The following PALLD variants were observed in gnomAD, a reference collection of about 807,000 sequenced individuals.
PALLD encodes the protein palladin, cytoskeletal associated protein.
PALLD carries 61 observed loss-of-function variants against 123.5 expected under a neutral mutation model. The ratio of observed to expected loss-of-function variants is 0.49; its 90% CI spans 0.40 to 0.61. PALLD has a LOEUF of 0.61. PALLD is among the 20% of genes least tolerant of loss of function. The pLI, the probability that PALLD is intolerant of heterozygous loss-of-function variation, is 0.00. For synonymous variants in PALLD, 465 were observed against 496.4 expected, an observed-to-expected ratio of 0.94 and a Z score of 0.84; for missense variants, 1,273 against 1,377.0, an observed-to-expected ratio of 0.92 and a Z score of 1.20.
At chr4:168,885,657 G>A (rs1753234270) in intron 10 of PALLD, among the ~76,000 whole-genome samples, 2 of 152,186 alleles carry the variant, frequency 1.3e-5, no homozygotes, top group African/African-American at 4.8e-5. Flanking sequence ...AATATGTCAT[G>A]GAGCTCATGC....
At chr4:168,903,671 C>A in intron 14 of PALLD, 86 bp from the exon 15 acceptor site, 5 of 1,132,812 alleles carry the variant, frequency 4.4e-6, no homozygotes, top group South Asian at 3.7e-5. Flanking sequence ...ATCAGCTCTG[C>A]AAACCACACT....
At chr4:168,644,762 T>C (rs1488798548) in intron 2 of PALLD, among the ~76,000 whole-genome samples, 1 of 152,116 alleles carries the variant, frequency 6.6e-6, no homozygotes, top group African/African-American at 2.4e-5. Context: ...TTAACTAAAG[T>C]GGAAGTGTTA....
chr4:168,782,765 A>T (rs72701847), intron 10 of PALLD, among the ~76,000 whole-genome samples: 26,588 of 151,876 alleles, frequency 0.18, 2,479 homozygotes, highest in Non-Finnish European at 0.22. Context: ...AAATAAAAAA[A>T]TTAGCTTGGC....
chr4:168,833,832 A>G (rs539692383), intron 10 of PALLD, among the ~76,000 whole-genome samples: 24 of 150,080 alleles, frequency 1.6e-4, no homozygotes, highest in African/African-American at 5.7e-4. Context: ...GATTTTCCCC[A>G]TGTCTGTTTA....
chr4:168,546,147 C>T (rs1053944427), intron 2 of PALLD, among the ~76,000 whole-genome samples: 4 of 152,136 alleles, frequency 2.6e-5, no homozygotes, highest in East Asian at 1.9e-4. Flanking sequence ...CAGAGAAAGA[C>T]GAATTACTGT....
intron 2 of PALLD, among the ~76,000 whole-genome samples, chr4:168,545,222 C>A (rs1345291479): frequency 6.6e-6 from 1 of 152,108 alleles, no homozygotes; most frequent in Non-Finnish European, 1.5e-5. Context: ...TTCCTTTACT[C>A]TCTTTTAATA....
intron 10 of PALLD, among the ~76,000 whole-genome samples, chr4:168,760,509 A>T (rs1732685388): frequency 6.6e-6 from 1 of 152,132 alleles, no homozygotes; most frequent in Non-Finnish European, 1.5e-5. Flanking sequence ...CTCGTGAGTT[A>T]CAAGGGAGTA....
At chr4:168,673,078 T>C (rs764903124) in intron 3 of PALLD, among the ~76,000 whole-genome samples, 4 of 152,172 alleles carry the variant, frequency 2.6e-5, no homozygotes, top group Non-Finnish European at 2.9e-5. Context: ...GGGCATATAA[T>C]TGAGCACTTT....
At chr4:168,654,281 G>A (rs1778344581) in intron 2 of PALLD, among the ~76,000 whole-genome samples, 1 of 152,018 alleles carries the variant, frequency 6.6e-6, no homozygotes, top group Non-Finnish European at 1.5e-5. Flanking sequence ...TGGGGAGGAG[G>A]GAAGGGGTGT....
At chr4:168,793,566 C>T (rs907608653) in intron 10 of PALLD, among the ~76,000 whole-genome samples, 2 of 151,960 alleles carry the variant, frequency 1.3e-5, no homozygotes, top group South Asian at 2.1e-4. Context: ...CCTGGCTCTG[C>T]GACTCACTAG....
At chr4:168,615,012 G>A (rs1774087217) in intron 2 of PALLD, among the ~76,000 whole-genome samples, 1 of 152,280 alleles carries the variant, frequency 6.6e-6, no homozygotes, top group South Asian at 2.1e-4. Context: ...AAGCCCCAGT[G>A]CATGGATATT....
intron 3 of PALLD, among the ~76,000 whole-genome samples, chr4:168,680,710 C>T (rs1056773364): frequency 1.3e-5 from 2 of 152,080 alleles, no homozygotes; most frequent in African/African-American, 4.8e-5. Context: ...ATACTTTGAA[C>T]CATTGCAATT....
At chr4:168,707,003 A>G (rs879814848) in intron 8 of PALLD, among the ~76,000 whole-genome samples, 1 of 152,344 alleles carries the variant, frequency 6.6e-6, no homozygotes, top group Admixed American at 6.5e-5. Flanking sequence ...TTTTGCACTT[A>G]TTAATTTGAT....
rs578208580 is a variant in PALLD at position 168,804,915 on chromosome 4, G to C, written c.1965-86007G>C. On this transcript the variant is annotated intron_variant, in intron 10 of 21. Coordinates refer to ENST00000505667, the MANE Select transcript of PALLD (RefSeq NM_001166108.2). ...GTGGCTCACACCTGTAATCCCAACA[G>C]TTTGGGAGGCCAAGGCGGGCAGATC... Among the ~76,000 whole-genome samples, 398 of 152,132 alleles carry C rather than the reference G, an allele frequency of 2.6e-3. 1 individual carries two copies. Among genetic ancestry groups the C allele is most frequent in the Middle Eastern group, 0.017 (5 of 294 alleles).
At chr4:168,540,265 A>T (rs918215885) in intron 2 of PALLD, among the ~76,000 whole-genome samples, 2 of 152,198 alleles carry the variant, frequency 1.3e-5, no homozygotes, top group Non-Finnish European at 2.9e-5. Flanking sequence ...AACGTTTCAC[A>T]TTCACAGGCA....
At chr4:168,554,567 G>C (rs557583607) in intron 2 of PALLD, among the ~76,000 whole-genome samples, 1 of 152,164 alleles carries the variant, frequency 6.6e-6, no homozygotes, top group Non-Finnish European at 1.5e-5. Flanking sequence ...AAACAAAAGC[G>C]ACTATTATTA....
chr4:168,660,212 C>T (rs1462848472), intron 2 of PALLD, among the ~76,000 whole-genome samples: 1 of 152,112 alleles, frequency 6.6e-6, no homozygotes, highest in Non-Finnish European at 1.5e-5. Flanking sequence ...TCTTACACCA[C>T]CCAAGAATGG....
chr4:168,502,178 A>AT (rs141720551), intron 1 of PALLD, among the ~76,000 whole-genome samples: 24 of 150,632 alleles, frequency 1.6e-4, no homozygotes, highest in East Asian at 3.9e-4. Context: ...AGCAAAATAA[A>AT]TTTTTTTTTT....
intron 2 of PALLD, among the ~76,000 whole-genome samples, chr4:168,624,865 C>T (rs1775087986): frequency 6.6e-6 from 1 of 152,122 alleles, no homozygotes; most frequent in East Asian, 1.9e-4. Flanking sequence ...ATGTCCAAGA[C>T]ACATATGAAA....
Sources: gnomAD v4.1 joint callset for allele counts (sites outside exome capture counted in the v4.1 genomes callset) on GRCh38, gnomAD v4.1.1 for gene constraint, MANE v1.5 for transcripts, NCBI Gene and HGNC (gene_info 2026-07-23, HGNC 2026-07-21) for gene names.